CNTN5: variants seen among roughly 807,000 people sequenced by gnomAD.
The protein encoded by CNTN5 is contactin-5.
Under a neutral mutation model 129.1 loss-of-function variants are expected in CNTN5, and 77 were observed. That is an observed-to-expected ratio of 0.60 (90% CI 0.50 to 0.72). The LOEUF is 0.72. Ranked by LOEUF, CNTN5 falls within the 30% of genes least tolerant of loss-of-function variation. The pLI is 0.00. For synonymous variants in CNTN5, 509 were observed against 465.6 expected (o/e 1.09, Z -1.20); for missense variants, 1,478 against 1,328.8 (o/e 1.11, Z -1.75).
intron 3 of CNTN5, among the ~76,000 whole-genome samples, chr11:99,639,559 G>GTTTT (rs71050010): frequency 0.072 from 5,050 of 70,254 alleles, 600 homozygotes; most frequent in South Asian, 0.096. Context: ...TCACCTTTAT[G>GTTTT]TTTTTTTTTT....
chr11:99,392,487 G>C (rs1031329364), intron 2 of CNTN5, among the ~76,000 whole-genome samples: 1 of 151,714 alleles, frequency 6.6e-6, no homozygotes, highest in Non-Finnish European at 1.5e-5. Context: ...GACAGATAAG[G>C]CTAACTTTTC....
intron 13 of CNTN5, among the ~76,000 whole-genome samples, chr11:100,179,833 G>C (rs1156705141): frequency 2.0e-5 from 3 of 152,000 alleles, no homozygotes; most frequent in African/African-American, 7.2e-5. Context: ...ACATTCCCCA[G>C]CTTAAAAGTC....
At chr11:99,332,906 T>C (rs1207354080) in intron 2 of CNTN5, among the ~76,000 whole-genome samples, 3 of 152,112 alleles carry the variant, frequency 2.0e-5, no homozygotes, top group Non-Finnish European at 4.4e-5. Flanking sequence ...ATGAATGATA[T>C]AATTCACTTA....
chr11:100,281,185 T>C (rs1202811836), intron 18 of CNTN5, among the ~76,000 whole-genome samples: 1 of 152,116 alleles, frequency 6.6e-6, no homozygotes, highest in Non-Finnish European at 1.5e-5. Context: ...TACCAATGAG[T>C]TTTTTACATT....
intron 1 of CNTN5, among the ~76,000 whole-genome samples, chr11:99,033,963 G>A (rs1316003050): frequency 6.6e-6 from 1 of 151,680 alleles, no homozygotes; most frequent in Non-Finnish European, 1.5e-5. Flanking sequence ...AATTTATTGA[G>A]AGTTTTTAGC....
chr11:99,630,282 A>G (rs1951294570), intron 3 of CNTN5, among the ~76,000 whole-genome samples: 1 of 151,366 alleles, frequency 6.6e-6, no homozygotes, highest in Non-Finnish European at 1.5e-5. Context: ...ATATACACAT[A>G]ATATGGTTGG....
At chr11:99,780,196 T>G (rs2135383061) in intron 3 of CNTN5, among the ~76,000 whole-genome samples, 1 of 152,162 alleles carries the variant, frequency 6.6e-6, no homozygotes, top group South Asian at 2.1e-4. Context: ...CCCTTCAGAT[T>G]AATTAAGCCT....
chr11:100,086,339 G>T (rs983529295), intron 13 of CNTN5, among the ~76,000 whole-genome samples: 2 of 149,828 alleles, frequency 1.3e-5, no homozygotes, highest in African/African-American at 2.4e-5. Flanking sequence ...TTTCAACAAC[G>T]AGCTAGCAAG....
chr11:99,056,866 A>G (rs1229627643), intron 1 of CNTN5, among the ~76,000 whole-genome samples: 2 of 152,096 alleles, frequency 1.3e-5, no homozygotes, highest in Non-Finnish European at 2.9e-5. Context: ...TTTTACTTGT[A>G]AATGGTATCT....
Position 100,147,590 on chromosome 11 carries a change from C to T in CNTN5, c.1581-43536C>T, listed in dbSNP as rs75215578. ...GTCTCCACCATTTTCTCCAATTCAA[C>T]TCTGCTAGGGGAGCCTTATATTTTT... On this transcript the variant is annotated intron_variant, in intron 13 of 24. Transcript: ENST00000524871. 8.8e-3 allele frequency among the ~76,000 whole-genome samples: 1,345 copies of T among 152,176 alleles called. 28 individuals carry two copies. Among genetic ancestry groups the T allele is most frequent in the African/African-American group, 0.03 (1,254 of 41,524 alleles).
chr11:99,203,938 T>G (rs1859347190), intron 1 of CNTN5, among the ~76,000 whole-genome samples: 1 of 152,162 alleles, frequency 6.6e-6, no homozygotes, highest in Non-Finnish European at 1.5e-5. Flanking sequence ...TCCATCTATG[T>G]CATATCTCTA....
chr11:99,889,629 G>C (rs1439158547), intron 6 of CNTN5, among the ~76,000 whole-genome samples: 1 of 150,318 alleles, frequency 6.7e-6, no homozygotes, highest in African/African-American at 2.5e-5. Context: ...TCTGCCTCCT[G>C]GGTTCGAGCG....
At chr11:99,862,163 G>A (rs961287251) in intron 6 of CNTN5, among the ~76,000 whole-genome samples, 10 of 151,966 alleles carry the variant, frequency 6.6e-5, no homozygotes, top group South Asian at 2.1e-4. Context: ...TACAACCCTG[G>A]CATCTCTGCA....
chr11:100,141,079 G>A (rs1946685471), intron 13 of CNTN5, among the ~76,000 whole-genome samples: 1 of 152,086 alleles, frequency 6.6e-6, no homozygotes, highest in African/African-American at 2.4e-5. Context: ...TTGAAAGTTT[G>A]CAAATATGAC....
At chr11:99,847,632 ATGCT>A (rs1947742603) in intron 6 of CNTN5, among the ~76,000 whole-genome samples, 1 of 152,184 alleles carries the variant, frequency 6.6e-6, no homozygotes, top group African/African-American at 2.4e-5. Context: ...AGATGCCATT[ATGCT>A]TATTCCTATG....
rs578163744 is a variant in CNTN5 at position 99,504,146 on chromosome 11, A to C, written c.-70-51999A>C. On this transcript the variant is annotated intron_variant, in intron 2 of 24. Transcript: ENST00000524871. ...TAATTTTAATATGATCAACAAACTGACTTTTTTTAGAAAAGGTAGAGTTTT... is the reference window on the plus strand; with the variant it reads ...TAATTTTAATATGATCAACAAACTGCCTTTTTTTAGAAAAGGTAGAGTTTT... 4.6e-5 allele frequency among the ~76,000 whole-genome samples: 7 copies of C among 152,322 alleles called. No homozygotes were observed. In the South Asian group the frequency reaches 1.4e-3, roughly 32 times the overall value.
chr11:99,033,089 G>A (rs948904858), intron 1 of CNTN5, among the ~76,000 whole-genome samples: 53 of 148,622 alleles, frequency 3.6e-4, no homozygotes, highest in South Asian at 8.5e-4. Flanking sequence ...GATATGCGGC[G>A]TTATTTCTGA....
chr11:99,938,838 G>A (rs186452536), intron 7 of CNTN5, among the ~76,000 whole-genome samples: 263 of 152,162 alleles, frequency 1.7e-3, no homozygotes, highest in Non-Finnish European at 2.7e-3. Flanking sequence ...TTAGTAAATA[G>A]TCTAGGTGAT....
chr11:100,078,144 C>T (rs1944218825), intron 13 of CNTN5, among the ~76,000 whole-genome samples: 1 of 151,962 alleles, frequency 6.6e-6, no homozygotes, highest in African/African-American at 2.4e-5. Flanking sequence ...TTTTTTTCTA[C>T]CACGTTTTGA....
Sources: allele counts gnomAD v4.1 joint callset (sites outside exome capture counted in the v4.1 genomes callset), GRCh38; gene constraint gnomAD v4.1.1; transcripts MANE v1.5; gene names NCBI Gene and HGNC (gene_info 2026-07-23, HGNC 2026-07-21).